The following LHFPL1 variants were observed in gnomAD, a reference collection of about 807,000 sequenced individuals.
LHFPL1 encodes the protein LHFPL tetraspan subfamily member 1 protein.
Under a neutral mutation model 12.1 loss-of-function variants are expected in LHFPL1, and 4 were observed. The ratio of observed to expected loss-of-function variants is 0.33; its 90% CI spans 0.16 to 0.76. LHFPL1 has a LOEUF of 0.76. Ranked by LOEUF, LHFPL1 falls within the 30% of genes least tolerant of loss-of-function variation. The pLI, the probability that LHFPL1 is intolerant of heterozygous loss-of-function variation, is 0.61. For missense variants in LHFPL1, 141 were observed against 174.1 expected, an observed-to-expected ratio of 0.81 and a Z score of 1.07; for synonymous variants, 52 against 61.9, an observed-to-expected ratio of 0.84 and a Z score of 0.75.
chrX:112,656,495 T>C (rs1207071595), intron 3 of LHFPL1, among the ~76,000 whole-genome samples: 1 of 111,587 alleles, frequency 9.0e-6, no homozygotes, highest in East Asian at 2.8e-4. Context: ...TATTCAACAT[T>C]GTCCTGGAGG....
intron 3 of LHFPL1, among the ~76,000 whole-genome samples, chrX:112,650,190 G>GA (rs61291562): frequency 9.1e-6 from 1 of 109,431 alleles, no homozygotes; most frequent in East Asian, 2.8e-4. Flanking sequence ...TAATACAGTA[G>GA]AAAAAAAAAT....
chrX:112,650,279 T>A (rs945873916), intron 3 of LHFPL1, among the ~76,000 whole-genome samples: 4 of 111,486 alleles, frequency 3.6e-5, no homozygotes, highest in African/African-American at 1.3e-4. Flanking sequence ...ATCATTCCCA[T>A]CAGCATCCAA....
At chrX:112,676,059 A>T (rs1419483415) in intron 1 of LHFPL1, among the ~76,000 whole-genome samples, 2 of 111,848 alleles carry the variant, frequency 1.8e-5, no homozygotes, top group East Asian at 2.8e-4. Context: ...GGGCACATGG[A>T]GTCTGTTCAC....
Position 112,666,311 on chromosome X carries a change from G to A in LHFPL1, c.382+4698C>T, listed in dbSNP as rs184511315. ...AGTTCCTTCACTTACCACCCCCCCA[G>A]CCCCCGCCATTCATTCTACCCCATA... On this transcript the variant is annotated intron_variant, in intron 2 of 3. Coordinates refer to ENST00000371968, the MANE Select transcript of LHFPL1 (RefSeq NM_178175.4). Among the ~76,000 whole-genome samples, 452 of 110,480 alleles carry A rather than the reference G, an allele frequency of 4.1e-3. 1 individual carries two copies. Among genetic ancestry groups the A allele is most frequent in the Non-Finnish European group, 6.4e-3 (340 of 52,856 alleles).
chrX:112,632,782 T>C lies in LHFPL1; in HGVS notation c.482-1181A>G, dbSNP rs762588052. On this transcript the variant is annotated intron_variant, in intron 3 of 3. Coordinates refer to ENST00000371968, the MANE Select transcript of LHFPL1 (RefSeq NM_178175.4). ...GGTGTCTCCTAGAAAGAGTCTAAGA[T>C]GGGCCCAAGCTTGGCTGCTTCGCTT... Among the ~76,000 whole-genome samples the C allele has an allele frequency of 6.2e-5, 7 of 112,077 alleles. No individual in the cohort carries two copies. The East Asian group carries it at 1.7e-3, about 27-fold the overall frequency.
At chrX:112,669,095 C>T (rs1209306284) in intron 2 of LHFPL1, among the ~76,000 whole-genome samples, 1 of 112,721 alleles carries the variant, frequency 8.9e-6, no homozygotes, top group Non-Finnish European at 1.9e-5. Context: ...TTTATCCCAA[C>T]ATATGCTAGA....
At chrX:112,640,814 T>A (rs984191752) in intron 3 of LHFPL1, among the ~76,000 whole-genome samples, 2 of 59,428 alleles carry the variant, frequency 3.4e-5, no homozygotes, top group Admixed American at 1.7e-4. Flanking sequence ...AGATTCCATC[T>A]GTGTGTGTGT....
Position 112,671,058 on chromosome X carries a change from G to A in LHFPL1, c.333C>T (p.Leu111=), listed in dbSNP as rs767948524. The change falls in exon 2 of 4, where the codon CTC becomes CTT. Residue 111 remains leucine, a synonymous_variant. Coordinates refer to ENST00000371968, the MANE Select transcript of LHFPL1 (RefSeq NM_178175.4). The part of the protein sequence containing the change: ...AAVLGCCMEE[L]ISRMMGRCMG... ...TGCAACGTCCCATCATTCTGGAGAT[G>A]AGCTCCTCCATGCAGCAACCCAGGA... 2 of 1,211,857 alleles carry A rather than the reference G, an allele frequency of 1.7e-6. No homozygotes were observed. Among genetic ancestry groups the A allele is most frequent in the Admixed American group, 2.2e-5 (1 of 46,086 alleles).
intron 3 of LHFPL1, among the ~76,000 whole-genome samples, chrX:112,635,760 C>T (rs1250401073): frequency 8.9e-6 from 1 of 111,900 alleles, no homozygotes. Flanking sequence ...AGGAAGTGGG[C>T]ATTCTAGGCA....
intron 3 of LHFPL1, among the ~76,000 whole-genome samples, chrX:112,645,166 C>G (rs908604019): frequency 3.6e-5 from 4 of 112,248 alleles, no homozygotes; most frequent in African/African-American, 1.3e-4. Flanking sequence ...TATAATGCAG[C>G]CTATTGTGCT....
chrX:112,648,040 T>C (rs1277922786), intron 3 of LHFPL1, among the ~76,000 whole-genome samples: 1 of 110,683 alleles, frequency 9.0e-6, no homozygotes, highest in Non-Finnish European at 1.9e-5. Flanking sequence ...TGGGTGAAGC[T>C]GGAAACCATC....
rs759403703 is a variant in LHFPL1, at chrX:112,671,345, A to C, written c.46T>G (p.Ser16Ala). 2 of 1,211,779 alleles carry C rather than the reference A, an allele frequency of 1.7e-6. No homozygotes were observed. Among genetic ancestry groups the C allele is most frequent in the Admixed American group, 4.3e-5 (2 of 46,053 alleles). Residue 16 changes from serine to alanine, a missense_variant, in exon 2 of 4, where the codon TCC (serine) becomes GCC (alanine). By Grantham distance (99) the Ser-to-Ala change is moderately conservative. Coordinates refer to ENST00000371968, the MANE Select transcript of LHFPL1 (RefSeq NM_178175.4). Reference sequence around the variant, plus strand: ...GAACTGGTCACAGCAGTAACAAGGGACAGGAAGGCCCAGAGGGTTCCCACC... The same window carrying C: ...GAACTGGTCACAGCAGTAACAAGGGCCAGGAAGGCCCAGAGGGTTCCCACC... ...TMVGTLWAFLSLVTAVTSSTS... is the reference protein window; with the variant it reads ...TMVGTLWAFLALVTAVTSSTS...
chrX:112,644,562 C>A (rs1275633818), intron 3 of LHFPL1, among the ~76,000 whole-genome samples: 1 of 110,450 alleles, frequency 9.1e-6, no homozygotes, highest in African/African-American at 3.3e-5. Context: ...AAAGACCTCA[C>A]CATAAAAGTA....
intron 1 of LHFPL1, among the ~76,000 whole-genome samples, chrX:112,672,923 G>A (rs145229536): frequency 1.4e-4 from 16 of 111,985 alleles, no homozygotes; most frequent in African/African-American, 4.9e-4. Flanking sequence ...AGTAAAGGAG[G>A]AAGTGATTTT....
At chrX:112,661,155 T>C (rs746674774) in intron 2 of LHFPL1, among the ~76,000 whole-genome samples, 9 of 111,133 alleles carry the variant, frequency 8.1e-5, no homozygotes, top group Non-Finnish European at 1.5e-4. Context: ...AAATATGTAA[T>C]GATTCCTGTA....
At chrX:112,651,618 C>G (rs1930854467) in intron 3 of LHFPL1, among the ~76,000 whole-genome samples, 1 of 111,710 alleles carries the variant, frequency 9.0e-6, no homozygotes, top group African/African-American at 3.3e-5. Context: ...CTCTTCCATA[C>G]CCATATCAAA....
chrX:112,672,900 G>C (rs1013534173), intron 1 of LHFPL1, among the ~76,000 whole-genome samples: 7 of 112,070 alleles, frequency 6.2e-5, no homozygotes, highest in African/African-American at 2.3e-4. Context: ...TTACATATGG[G>C]AGAATTTTGC....
chrX:112,649,308 A>G (rs1930786123), intron 3 of LHFPL1, among the ~76,000 whole-genome samples: 1 of 111,763 alleles, frequency 8.9e-6, no homozygotes, highest in Admixed American at 9.5e-5. Context: ...GGCATTTCTA[A>G]TCTTCTTTTT....
chrX:112,677,346 G>A (rs1931679617), intron 1 of LHFPL1, among the ~76,000 whole-genome samples: 1 of 111,427 alleles, frequency 9.0e-6, no homozygotes, highest in Non-Finnish European at 1.9e-5. Context: ...AAACATGCCT[G>A]CAAGACTGCT....
Sources: allele counts gnomAD v4.1 joint callset (sites outside exome capture counted in the v4.1 genomes callset), GRCh38; gene constraint gnomAD v4.1.1; transcripts MANE v1.5; gene names NCBI Gene and HGNC (gene_info 2026-07-23, HGNC 2026-07-21).